The following ASAP1 variants were observed in gnomAD, a reference collection of about 807,000 sequenced individuals.
ASAP1 encodes ArfGAP with SH3 domain, ankyrin repeat and PH domain 1.
In ASAP1, 43 loss-of-function variants were observed where a neutral mutation model predicts 145.2. The ratio of observed to expected loss-of-function variants is 0.30; its 90% CI spans 0.23 to 0.38. The LOEUF is 0.38. Ranked by LOEUF, ASAP1 falls within the 10% of genes least tolerant of loss-of-function variation. The probability of loss-of-function intolerance (pLI) is 1.00; values close to 1 mark genes in which losing one functional copy is unlikely to be tolerated. For synonymous variants in ASAP1, 546 were observed against 515.5 expected, an observed-to-expected ratio of 1.06 and a Z score of -0.80; for missense variants, 1,018 against 1,355.3, an observed-to-expected ratio of 0.75 and a Z score of 3.91.
Position 130,262,416 on chromosome 8 carries a change from AAGAGAGAGAGAGAGAG to A in ASAP1, c.187-25438_187-25423del, listed in dbSNP as rs71513089. 3.1e-3 allele frequency among the ~76,000 whole-genome samples: 180 copies of A among 57,788 alleles called. 1 individual carries two copies. The highest frequency in any genetic ancestry group is 9.4e-3 in the African/African-American group (138 of 14,680). 37.9% of individuals were successfully genotyped at this position (57,788 alleles called of 152,430 possible). ...TCAAAAAAAAAAAAAAAAAAAAAAA[AAGAGAGAGAGAGAGAG>A]AGAGAGAGAGAGAGAGAGAGAGAGA... On this transcript the variant is annotated intron_variant, in intron 3 of 29. Transcript: ENST00000518721.
chr8:130,390,619 C>A (rs1828234366), intron 2 of ASAP1, among the ~76,000 whole-genome samples: 1 of 152,194 alleles, frequency 6.6e-6, no homozygotes, highest in African/African-American at 2.4e-5. Flanking sequence ...TTCTCAGTGC[C>A]TAGGGCTTAA....
At chr8:130,259,888 G>A (rs566618802) in intron 3 of ASAP1, among the ~76,000 whole-genome samples, 5 of 152,236 alleles carry the variant, frequency 3.3e-5, no homozygotes, top group African/African-American at 4.8e-5. Context: ...TAAATACTAA[G>A]GCTTTCAAAT....
At chr8:130,155,569 G>C (rs961782584) in intron 12 of ASAP1, among the ~76,000 whole-genome samples, 2 of 152,142 alleles carry the variant, frequency 1.3e-5, no homozygotes, top group African/African-American at 2.4e-5. Context: ...TGTCGCCCAG[G>C]CTGGTGGGCT....
Position 130,238,253 on chromosome 8 carries a change from A to G in ASAP1, c.187-1259T>C, listed in dbSNP as rs368664809. Among the ~76,000 whole-genome samples, 118 of 152,200 alleles carry G rather than the reference A, an allele frequency of 7.8e-4. 1 individual carries two copies. The South Asian group carries it at 0.024, about 32-fold the overall frequency. ...TTCTGGGCTTGGAAACAAGGACCAC[A>G]ATGCTCAGTCGCTTTCTGGTCACAT... On this transcript the variant is annotated intron_variant, in intron 3 of 29. Transcript: ENST00000518721.
At chr8:130,077,537 C>CTTTTTT (rs58327713) in intron 26 of ASAP1, among the ~76,000 whole-genome samples, 2 of 62,068 alleles carry the variant, frequency 3.2e-5, no homozygotes, top group Non-Finnish European at 5.5e-5. Flanking sequence ...GCTGCTGCTG[C>CTTTTTT]TTTTTTTTTT....
At chr8:130,304,302 G>T (rs1822856973) in intron 3 of ASAP1, among the ~76,000 whole-genome samples, 1 of 151,086 alleles carries the variant, frequency 6.6e-6, no homozygotes, top group African/African-American at 2.4e-5. Context: ...TTATGTTTCT[G>T]TTCCAGTTCT....
intron 3 of ASAP1, among the ~76,000 whole-genome samples, chr8:130,237,929 A>C (rs1818308959): frequency 6.6e-6 from 1 of 152,090 alleles, no homozygotes; most frequent in Admixed American, 6.6e-5. Flanking sequence ...AAGATTTGGA[A>C]GGCATGAGCA....
intron 2 of ASAP1, among the ~76,000 whole-genome samples, chr8:130,376,966 G>C (rs532185993): frequency 6.7e-6 from 1 of 148,444 alleles, no homozygotes; most frequent in South Asian, 2.1e-4. Context: ...AGTTGAAATG[G>C]GGCAAGAGAT....
At chr8:130,182,856 C>T (rs1307075851) in intron 7 of ASAP1, among the ~76,000 whole-genome samples, 1 of 115,878 alleles carries the variant, frequency 8.6e-6, no homozygotes, top group Non-Finnish European at 1.9e-5. Context: ...AAAAACCCAA[C>T]TGAGCAAAAG....
chr8:130,352,458 T>C (rs542930563), intron 3 of ASAP1, among the ~76,000 whole-genome samples: 3 of 152,292 alleles, frequency 2.0e-5, no homozygotes, highest in Admixed American at 6.5e-5. Flanking sequence ...ACAGTATTTA[T>C]CAAAGACTGA....
chr8:130,074,553 G>A (rs1207904448), intron 27 of ASAP1, among the ~76,000 whole-genome samples: 1 of 152,020 alleles, frequency 6.6e-6, no homozygotes, highest in African/African-American at 2.4e-5. Flanking sequence ...GGTATTGACA[G>A]TAGGCCTGCC....
intron 25 of ASAP1, among the ~76,000 whole-genome samples, chr8:130,081,615 C>T (rs2097480701): frequency 6.6e-6 from 1 of 152,116 alleles, no homozygotes; most frequent in Admixed American, 6.5e-5. Context: ...ATCCTCACTA[C>T]ACTGCACATC....
At chr8:130,161,399 A>G (rs565446713) in intron 11 of ASAP1, among the ~76,000 whole-genome samples, 1 of 152,200 alleles carries the variant, frequency 6.6e-6, no homozygotes, top group African/African-American at 2.4e-5. Flanking sequence ...CAGTGATGCA[A>G]AATTAATATA....
intron 1 of ASAP1, among the ~76,000 whole-genome samples, chr8:130,427,566 C>A (rs1359705802): frequency 2.6e-5 from 4 of 152,012 alleles, no homozygotes; most frequent in Non-Finnish European, 5.9e-5. Context: ...GTATTGGCAG[C>A]GCAAGTGGAA....
intron 1 of ASAP1, among the ~76,000 whole-genome samples, chr8:130,410,832 G>A (rs7462977): frequency 0.041 from 6,178 of 152,228 alleles, 192 homozygotes; most frequent in African/African-American, 0.09. Flanking sequence ...CTTGAGTGAT[G>A]AAAAATCACT....
chr8:130,199,170 T>A (rs78255946), intron 5 of ASAP1, among the ~76,000 whole-genome samples: 1 of 152,198 alleles, frequency 6.6e-6, no homozygotes, highest in African/African-American at 2.4e-5. Flanking sequence ...TTTACAATTA[T>A]CCGTGTGTTC....
intron 12 of ASAP1, among the ~76,000 whole-genome samples, chr8:130,157,542 G>C (rs1251397886): frequency 6.6e-6 from 1 of 152,150 alleles, no homozygotes; most frequent in African/African-American, 2.4e-5. Flanking sequence ...GGTAGTCAGA[G>C]AGAAGCTTCC....
Position 130,317,433 on chromosome 8 carries a change from G to C in ASAP1, c.186+40584C>G, listed in dbSNP as rs76637511. On this transcript the variant is annotated intron_variant, in intron 3 of 29. Coordinates refer to ENST00000518721, the MANE Select transcript of ASAP1 (RefSeq NM_018482.4). ...TTGAAACTGTAGGAACAGGGTCTAC[G>C]ACTCACTTAGCTGCTAATGAGTTTC... is the stretch of plus-strand genomic sequence containing the variant. 3.7e-3 allele frequency among the ~76,000 whole-genome samples: 566 copies of C among 152,312 alleles called. 4 individuals carry two copies. The highest frequency in any genetic ancestry group is 6.1e-3 in the Non-Finnish European group (418 of 68,018).
intron 6 of ASAP1, 33 bp downstream of exon 6, chr8:130,188,076 G>A (rs767732645): frequency 6.6e-7 from 1 of 1,504,074 alleles, no homozygotes; most frequent in Non-Finnish European, 9.2e-7. Flanking sequence ...ATCCTTTCAA[G>A]TTAAAGTGAA....
Sources: gnomAD v4.1 joint callset for allele counts (sites outside exome capture counted in the v4.1 genomes callset) on GRCh38, gnomAD v4.1.1 for gene constraint, MANE v1.5 for transcripts, NCBI Gene and HGNC (gene_info 2026-07-23, HGNC 2026-07-21) for gene names.